The following DSCAM variants were observed in gnomAD, a reference collection of about 807,000 sequenced individuals.
The protein encoded by DSCAM is DS cell adhesion molecule.
A neutral mutation model predicts 217.7 loss-of-function variants in DSCAM; 47 were observed. The ratio of observed to expected loss-of-function variants is 0.22; its 90% CI spans 0.17 to 0.28. DSCAM has a LOEUF of 0.28. Among genes scored for constraint, DSCAM ranks in the 10% least tolerant of loss-of-function variants. The probability of loss-of-function intolerance (pLI) is 1.00; values close to 1 mark genes in which losing one functional copy is unlikely to be tolerated. For missense variants in DSCAM, 2,080 were observed against 2,618.3 expected, an observed-to-expected ratio of 0.79 and a Z score of 4.49; for synonymous variants, 1,056 against 1,015.3, an observed-to-expected ratio of 1.04 and a Z score of -0.76.
intron 2 of DSCAM, among the ~76,000 whole-genome samples, chr21:40,694,265 A>T (rs930068564): frequency 3.3e-5 from 5 of 152,218 alleles, no homozygotes; most frequent in Non-Finnish European, 5.9e-5. Context: ...TTATAAGTCT[A>T]TGATTTTCTA....
intron 1 of DSCAM, among the ~76,000 whole-genome samples, chr21:40,717,700 T>C (rs934739203): frequency 3.3e-5 from 5 of 152,214 alleles, no homozygotes; most frequent in African/African-American, 1.2e-4. Context: ...TTTGAAGTGA[T>C]GAAAACCTGC....
At chr21:40,334,447 A>G (rs1313210855) in intron 8 of DSCAM, among the ~76,000 whole-genome samples, 1 of 152,098 alleles carries the variant, frequency 6.6e-6, no homozygotes, top group Non-Finnish European at 1.5e-5. Flanking sequence ...CCTGTATCCA[A>G]CCACTAGGAA....
At chr21:40,722,542 C>G (rs2090912609) in intron 1 of DSCAM, among the ~76,000 whole-genome samples, 1 of 152,016 alleles carries the variant, frequency 6.6e-6, no homozygotes, top group Non-Finnish European at 1.5e-5. Context: ...CATGTTAATC[C>G]TTTAATGCAG....
chr21:40,103,409 ATCT>A (rs977356843), intron 20 of DSCAM, among the ~76,000 whole-genome samples: 2 of 152,236 alleles, frequency 1.3e-5, no homozygotes, highest in Non-Finnish European at 2.9e-5. Context: ...AATGCTTAAC[ATCT>A]TCTTGTTTAG....
chr21:40,582,299 CA>C (rs1172528416), intron 3 of DSCAM, among the ~76,000 whole-genome samples: 1 of 151,980 alleles, frequency 6.6e-6, no homozygotes, highest in Non-Finnish European at 1.5e-5. Context: ...AAAATGCATC[CA>C]AAAACACCTA....
chr21:40,736,860 T>C (rs1216521408), intron 1 of DSCAM, among the ~76,000 whole-genome samples: 3 of 152,240 alleles, frequency 2.0e-5, no homozygotes, highest in Admixed American at 6.5e-5. Flanking sequence ...AAAACCCTTA[T>C]AGAATTGAAA....
At chr21:40,060,580 G>T (rs2146515615) in intron 28 of DSCAM, among the ~76,000 whole-genome samples, 1 of 152,112 alleles carries the variant, frequency 6.6e-6, no homozygotes, top group East Asian at 1.9e-4. Context: ...GGTGGGGTAG[G>T]GGTGGGGGCT....
chr21:40,063,056 C>T (rs1260770295), intron 27 of DSCAM, among the ~76,000 whole-genome samples, 157 bp from the exon 28 acceptor site: 4 of 152,138 alleles, frequency 2.6e-5, no homozygotes, highest in Non-Finnish European at 4.4e-5. Flanking sequence ...TCATGGAGTC[C>T]TTATTTCTTC....
At chr21:40,168,335 C>T (rs925462729) in intron 15 of DSCAM, among the ~76,000 whole-genome samples, 1 of 152,224 alleles carries the variant, frequency 6.6e-6, no homozygotes, top group East Asian at 1.9e-4. Context: ...GTGCTACCTA[C>T]TAGGTACATG....
At chr21:40,041,705 T>C (rs906729538) in intron 32 of DSCAM, among the ~76,000 whole-genome samples, 11 of 152,176 alleles carry the variant, frequency 7.2e-5, no homozygotes, top group Non-Finnish European at 1.3e-4. Flanking sequence ...AAGACCAAAC[T>C]GCTGGCTGAC....
intron 1 of DSCAM, among the ~76,000 whole-genome samples, chr21:40,780,445 A>ATATATATATC (rs1170620350): frequency 7.0e-6 from 1 of 142,314 alleles, no homozygotes; most frequent in Non-Finnish European, 1.5e-5. Context: ...ATATATATAT[A>ATATATATATC]TATCTCCTGT....
chr21:40,839,689 G>C (rs2092084842), intron 1 of DSCAM, among the ~76,000 whole-genome samples: 1 of 151,958 alleles, frequency 6.6e-6, no homozygotes, highest in Non-Finnish European at 1.5e-5. Context: ...TGGGACGTTA[G>C]GGGAAGCTAG....
chr21:40,120,457 C>T lies in DSCAM; in HGVS notation c.3696+3738G>A, dbSNP rs745427356. 5.3e-5 allele frequency among the ~76,000 whole-genome samples: 8 copies of T among 152,186 alleles called. No individual in the cohort carries two copies. The East Asian group carries it at 5.8e-4, about 11-fold the overall frequency. On this transcript the variant is annotated intron_variant, in intron 20 of 32. Coordinates refer to ENST00000400454, the MANE Select transcript of DSCAM (RefSeq NM_001389.5). ...GTTTTTCAGACTGCTTTTATGTAGACGGGAGCGTTGGGGAGGAAATGAAGC... is the reference window on the plus strand; with the variant it reads ...GTTTTTCAGACTGCTTTTATGTAGATGGGAGCGTTGGGGAGGAAATGAAGC...
At chr21:40,299,215 A>T (rs951690442) in intron 9 of DSCAM, among the ~76,000 whole-genome samples, 3 of 152,182 alleles carry the variant, frequency 2.0e-5, no homozygotes, top group African/African-American at 7.2e-5. Context: ...ATACCATGCA[A>T]CTTGAGACCA....
chr21:40,265,932 T>A lies in DSCAM; in HGVS notation c.2356+10165A>T, dbSNP rs1332752563. Among the ~76,000 whole-genome samples the A allele has an allele frequency of 3.3e-5, 5 of 152,226 alleles. No individual in the cohort carries two copies. The East Asian group carries it at 7.7e-4, about 24-fold the overall frequency. ...TAGAAGAATCCCTAGGAAAAACTCTTTTGGACATTGGCCTGGGCAAAGAAT... is the reference window on the plus strand; with the variant it reads ...TAGAAGAATCCCTAGGAAAAACTCTATTGGACATTGGCCTGGGCAAAGAAT... On this transcript the variant is annotated intron_variant, in intron 11 of 32. Coordinates refer to ENST00000400454, the MANE Select transcript of DSCAM (RefSeq NM_001389.5).
chr21:40,342,531 TAATA>T (rs2074504153), intron 6 of DSCAM, among the ~76,000 whole-genome samples: 1 of 150,824 alleles, frequency 6.6e-6, no homozygotes. Flanking sequence ...ATGTAGGGAT[TAATA>T]CTCATTTTTT....
intron 3 of DSCAM, among the ~76,000 whole-genome samples, chr21:40,477,128 A>G (rs1407077422): frequency 1.3e-5 from 2 of 152,182 alleles, no homozygotes. Context: ...AAAGTATAAA[A>G]TGTGTTTTAA....
intron 3 of DSCAM, among the ~76,000 whole-genome samples, chr21:40,674,543 T>A (rs1266861352): frequency 6.6e-6 from 1 of 152,098 alleles, no homozygotes; most frequent in Non-Finnish European, 1.5e-5. Context: ...AAATTATCAA[T>A]TCAGGCTACA....
chr21:40,492,625 C>T (rs1048276760), intron 3 of DSCAM, among the ~76,000 whole-genome samples: 1 of 150,006 alleles, frequency 6.7e-6, no homozygotes, highest in Non-Finnish European at 1.5e-5. Context: ...CAACAGTAGA[C>T]CTGATAAGGC....
Sources: gnomAD v4.1 joint callset for allele counts (sites outside exome capture counted in the v4.1 genomes callset) on GRCh38, gnomAD v4.1.1 for gene constraint, MANE v1.5 for transcripts, NCBI Gene and HGNC (gene_info 2026-07-23, HGNC 2026-07-21) for gene names.